The following QRFPR variants were observed in gnomAD, a reference collection of about 807,000 sequenced individuals.
QRFPR encodes pyroglutamylated RFamide peptide receptor, also known as pyroglutamylated RF-amide peptide receptor.
QRFPR carries 37 observed loss-of-function variants against 31.3 expected under a neutral mutation model. The observed-to-expected ratio is 1.18, with a 90% CI of 0.91 to 1.56. The LOEUF (loss-of-function observed/expected upper bound fraction) is 1.56. QRFPR is among the 40% of genes most tolerant of loss of function. The pLI is 0.00. For missense variants in QRFPR, 542 were observed against 532.5 expected, an observed-to-expected ratio of 1.02 and a Z score of -0.18; for synonymous variants, 197 against 192.0, an observed-to-expected ratio of 1.03 and a Z score of -0.22.
intron 1 of QRFPR, among the ~76,000 whole-genome samples, chr4:121,360,697 A>G (rs1388939314): frequency 6.6e-6 from 1 of 152,256 alleles, no homozygotes; most frequent in East Asian, 1.9e-4. Context: ...ATGGGTTGCA[A>G]CTCTTACTTT....
chr4:121,341,231 T>G (rs1725538321), intron 1 of QRFPR, among the ~76,000 whole-genome samples: 1 of 152,244 alleles, frequency 6.6e-6, no homozygotes, highest in South Asian at 2.1e-4. Context: ...ATTGTCAATC[T>G]TTTAAAATGT....
intron 1 of QRFPR, among the ~76,000 whole-genome samples, chr4:121,366,981 T>C (rs1726143918): frequency 6.7e-6 from 1 of 150,074 alleles, no homozygotes; most frequent in Admixed American, 6.6e-5. Flanking sequence ...ACAATATTCA[T>C]ACACCTGACA....
chr4:121,380,208 A>AGAGAGAGG (rs1726454742), intron 1 of QRFPR, 100 bp downstream of exon 1: 1 of 356,244 alleles, frequency 2.8e-6, no homozygotes, highest in South Asian at 3.8e-5. Flanking sequence ...AGAGAGAGAG[A>AGAGAGAGG]GAGAGAGAGA....
chr4:121,353,995 CT>C (rs1445489410), intron 1 of QRFPR, among the ~76,000 whole-genome samples: 1 of 151,978 alleles, frequency 6.6e-6, no homozygotes, highest in African/African-American at 2.4e-5. Flanking sequence ...TTCTTGGTAC[CT>C]TTGTCAAAAA....
intron 1 of QRFPR, among the ~76,000 whole-genome samples, chr4:121,346,763 G>A (rs1220601891): frequency 6.6e-6 from 1 of 152,156 alleles, no homozygotes; most frequent in African/African-American, 2.4e-5. Flanking sequence ...AATTTGTCAA[G>A]TGTTTTCTTA....
intron 1 of QRFPR, chr4:121,369,371 T>A: frequency 3.0e-6 from 2 of 664,708 alleles, no homozygotes; most frequent in South Asian, 2.0e-5. Flanking sequence ...AAAGCCAAGA[T>A]AAAAGGGCAG....
At chr4:121,353,915 T>C (rs1725813292) in intron 1 of QRFPR, among the ~76,000 whole-genome samples, 1 of 152,134 alleles carries the variant, frequency 6.6e-6, no homozygotes, top group South Asian at 2.1e-4. Context: ...TCTAGTTTCA[T>C]TCTTCTGCAT....
chr4:121,354,681 G>A (rs1725832254), intron 1 of QRFPR, among the ~76,000 whole-genome samples: 1 of 151,994 alleles, frequency 6.6e-6, no homozygotes, highest in Admixed American at 6.6e-5. Flanking sequence ...GATACTAGTT[G>A]TGAGTTTGTC....
chr4:121,375,583 G>A (rs1431192144), intron 1 of QRFPR, among the ~76,000 whole-genome samples: 1 of 152,210 alleles, frequency 6.6e-6, no homozygotes, highest in African/African-American at 2.4e-5. Flanking sequence ...ATATTCATGT[G>A]TAAGTGCCAA....
chr4:121,353,905 T>C (rs2110475950), intron 1 of QRFPR, among the ~76,000 whole-genome samples: 1 of 152,172 alleles, frequency 6.6e-6, no homozygotes, highest in East Asian at 1.9e-4. Flanking sequence ...GAGATAGGGG[T>C]CTAGTTTCAT....
At chr4:121,335,201 A>G (rs1302784728) in intron 3 of QRFPR, among the ~76,000 whole-genome samples, 2 of 151,036 alleles carry the variant, frequency 1.3e-5, no homozygotes, top group African/African-American at 4.8e-5. Flanking sequence ...TTAAACATAT[A>G]AAAACACTTT....
chr4:121,380,236 A>AGAGAGAGAGG, intron 1 of QRFPR, 72 bp downstream of exon 1: 2 of 1,039,410 alleles, frequency 1.9e-6, no homozygotes, highest in Non-Finnish European at 2.8e-6. Flanking sequence ...AGAGAGAGAG[A>AGAGAGAGAGG]GAGAGAGAGA....
Position 121,335,614 on chromosome 4 carries a change from G to C in QRFPR, c.561+1193C>G, listed in dbSNP as rs983737899. ...GCGGGGAGAGGAGTGGGGCAGGGGA[G>C]AGAAAAAGAAACACAAGGAGAGGAA... On this transcript the variant is annotated intron_variant, in intron 3 of 5. Coordinates refer to ENST00000394427, the MANE Select transcript of QRFPR (RefSeq NM_198179.3). Among the ~76,000 whole-genome samples the C allele has an allele frequency of 4.0e-5, 6 of 150,672 alleles. No homozygotes were observed. In the East Asian group the frequency reaches 1.2e-3, roughly 30 times the overall value.
chr4:121,359,827 A>ATC lies in QRFPR; in HGVS notation c.341-19219_341-19218dup, dbSNP rs1725952878. On this transcript the variant is annotated intron_variant, in intron 1 of 5. Coordinates refer to ENST00000394427, the MANE Select transcript of QRFPR (RefSeq NM_198179.3). ...TGTATGTGTGTGTGTGTATATATAT[A>ATC]TCTCTCTCCTATTAGTTCTGTTCCT... Among the ~76,000 whole-genome samples the ATC allele has an allele frequency of 6.0e-5, 9 of 150,976 alleles. No individual in the cohort carries two copies. In the South Asian group the frequency reaches 1.9e-3, roughly 32 times the overall value.
intron 1 of QRFPR, among the ~76,000 whole-genome samples, chr4:121,345,756 C>T (rs1725633066): frequency 1.3e-5 from 2 of 152,188 alleles, no homozygotes; most frequent in South Asian, 4.1e-4. Context: ...GGACCTTTTG[C>T]TCTCACTGAG....
At chr4:121,354,741 T>C (rs1240732707) in intron 1 of QRFPR, among the ~76,000 whole-genome samples, 1 of 152,102 alleles carries the variant, frequency 6.6e-6, no homozygotes, top group Non-Finnish European at 1.5e-5. Flanking sequence ...CCCAATTGTT[T>C]GAGAGATTTT....
At chr4:121,368,149 A>G (rs1187982726) in intron 1 of QRFPR, among the ~76,000 whole-genome samples, 3 of 149,896 alleles carry the variant, frequency 2.0e-5, no homozygotes, top group South Asian at 4.2e-4. Flanking sequence ...TATGTATTGC[A>G]TAAAGGGATG....
At chr4:121,336,022 A>G (rs1725428401) in intron 3 of QRFPR, among the ~76,000 whole-genome samples, 1 of 152,176 alleles carries the variant, frequency 6.6e-6, no homozygotes, top group Non-Finnish European at 1.5e-5. Flanking sequence ...ATGTTCTCTT[A>G]TCTTAGGCTC....
chr4:121,370,030 A>G lies in QRFPR; in HGVS notation c.340+10278T>C. ...GGTCTGTTTTGTGATCACATAATTC[A>G]TGACGACATGGGTAGCTTTAGCCTT... On this transcript the variant is annotated intron_variant, in intron 1 of 5. Coordinates refer to ENST00000394427, the MANE Select transcript of QRFPR (RefSeq NM_198179.3). 3 of 772,230 alleles carry G rather than the reference A, an allele frequency of 3.9e-6. No individual in the cohort carries two copies. In the South Asian group the frequency reaches 4.1e-5, roughly 10 times the overall value. 47.8% of individuals were successfully genotyped at this position (772,230 alleles called of 1,614,324 possible). A position where few individuals can be genotyped will look rare whatever the true frequency, so the allele number is the denominator to read the frequency against.
Sources: gnomAD v4.1 joint callset for allele counts (sites outside exome capture counted in the v4.1 genomes callset) on GRCh38, gnomAD v4.1.1 for gene constraint, MANE v1.5 for transcripts, NCBI Gene and HGNC (gene_info 2026-07-23, HGNC 2026-07-21) for gene names.